Variants in BCORL1 observed in about 807,000 individuals in gnomAD.
BCORL1 encodes BCL6 corepressor like 1.
BCORL1 carries 7 observed loss-of-function variants against 87.6 expected under a neutral mutation model. That is an observed-to-expected ratio of 0.08 (90% CI 0.05 to 0.15). The LOEUF is 0.15. Ranked by LOEUF, BCORL1 falls within the 10% of genes least tolerant of loss-of-function variation. The pLI, the probability that BCORL1 is intolerant of heterozygous loss-of-function variation, is 1.00. For synonymous variants in BCORL1, 591 were observed against 634.4 expected, an observed-to-expected ratio of 0.93 and a Z score of 1.03; for missense variants, 1,215 against 1,499.7, an observed-to-expected ratio of 0.81 and a Z score of 3.13.
intron 1 of BCORL1, among the ~76,000 whole-genome samples, chrX:130,002,795 G>A (rs1197507448): frequency 9.3e-6 from 1 of 107,135 alleles, no homozygotes; most frequent in African/African-American, 3.4e-5. Flanking sequence ...AGAGAGAGAT[G>A]GGTAGGGGGA....
chrX:130,039,296 A>G lies in BCORL1; in HGVS notation c.4840+14A>G. Reference sequence around the variant, plus strand: ...GCTTTCTCAGTGGTAAGCATGGTCCAGACTTGACACTGTTGTCCTTGGGGC... The same window carrying G: ...GCTTTCTCAGTGGTAAGCATGGTCCGGACTTGACACTGTTGTCCTTGGGGC... On this transcript the variant is annotated intron_variant, in intron 11 of 13. Transcript: ENST00000540052. The G allele has an allele frequency of 8.3e-7, 1 of 1,206,195 alleles. No individual in the cohort carries two copies. The highest frequency in any genetic ancestry group is 1.1e-6 in the Non-Finnish European group (1 of 894,844).
chrX:130,023,100 A>G (rs914782501), intron 6 of BCORL1, 123 bp downstream of exon 6: 1 of 599,746 alleles, frequency 1.7e-6, no homozygotes. Context: ...ACTGTGCCAC[A>G]ATGCCCAGCT....
At chrX:130,009,895 G>GCCCCCTCCCCTGCAAGTTACTCCTGT (rs1928818491) in intron 2 of BCORL1, among the ~76,000 whole-genome samples, 1 of 111,281 alleles carries the variant, frequency 9.0e-6, no homozygotes, top group African/African-American at 3.3e-5. Flanking sequence ...CTCTTCCCGG[G>GCCCCCTCCCCTGCAAGTTACTCCTGT]CCCCCTCCCC....
At chrX:130,004,433 C>T (rs1283105064) in intron 1 of BCORL1, among the ~76,000 whole-genome samples, 1 of 110,129 alleles carries the variant, frequency 9.1e-6, no homozygotes, top group Non-Finnish European at 1.9e-5. Context: ...TTAGTAGAAA[C>T]GGGGTTTCAC....
chrX:129,986,420 G>T (rs777603909), intron 1 of BCORL1, among the ~76,000 whole-genome samples: 1 of 111,828 alleles, frequency 8.9e-6, no homozygotes, highest in Non-Finnish European at 1.9e-5. Flanking sequence ...CCAGGAAAGC[G>T]TAGATAAAGA....
upstream of BCORL1, among the ~76,000 whole-genome samples, chrX:129,980,454 G>A (rs1015512543): frequency 8.9e-6 from 1 of 112,251 alleles, no homozygotes. Context: ...GGGGCGGGGG[G>A]AGGATAAAGA....
intron 1 of BCORL1, among the ~76,000 whole-genome samples, chrX:129,989,889 G>A (rs1044929556): frequency 9.2e-6 from 1 of 109,188 alleles, no homozygotes; most frequent in African/African-American, 3.3e-5. Context: ...GGCTTCAAGC[G>A]ATTCTCGTGC....
At chrX:130,041,543 A>G (rs1250791424) in intron 11 of BCORL1, among the ~76,000 whole-genome samples, 2 of 112,196 alleles carry the variant, frequency 1.8e-5, no homozygotes, top group East Asian at 5.6e-4. Flanking sequence ...CATGTTGGCC[A>G]GGCTGGTCTC....
intron 6 of BCORL1, 61 bp from the exon 7 acceptor site, chrX:130,024,929 C>A (rs915764721): frequency 1.4e-5 from 16 of 1,168,008 alleles, no homozygotes; most frequent in Non-Finnish European, 1.8e-5. Context: ...GCATTCACTT[C>A]GACACCATGC....
At chrX:130,018,434 A>G (rs1198773166) in intron 4 of BCORL1, among the ~76,000 whole-genome samples, 3 of 112,406 alleles carry the variant, frequency 2.7e-5, no homozygotes, top group Non-Finnish European at 5.6e-5. Context: ...ACTAAAAACA[A>G]TTGAATTTTA....
At chrX:129,990,572 T>C (rs1927056045) in intron 1 of BCORL1, among the ~76,000 whole-genome samples, 1 of 111,746 alleles carries the variant, frequency 8.9e-6, no homozygotes, top group Non-Finnish European at 1.9e-5. Flanking sequence ...TTCAATTGTA[T>C]CCTATTATGT....
intron 10 of BCORL1, among the ~76,000 whole-genome samples, chrX:130,038,761 C>T (rs922853466): frequency 2.7e-5 from 3 of 111,759 alleles, no homozygotes; most frequent in Admixed American, 9.5e-5. Context: ...GGATTACAGG[C>T]GTGAGCCACC....
chrX:130,006,471 C>T (rs1928504726), intron 2 of BCORL1, among the ~76,000 whole-genome samples: 1 of 108,721 alleles, frequency 9.2e-6, no homozygotes, highest in Non-Finnish European at 1.9e-5. Flanking sequence ...CGCCATTCTC[C>T]TGCCTCAGCC....
chrX:130,006,831 A>T (rs1350197603), intron 2 of BCORL1, among the ~76,000 whole-genome samples: 1 of 111,407 alleles, frequency 9.0e-6, no homozygotes, highest in Non-Finnish European at 1.9e-5. Context: ...CGGCCTCCCA[A>T]AGTGCTGGGA....
At chrX:130,030,192 C>T (rs1930500412) in intron 8 of BCORL1, among the ~76,000 whole-genome samples, 2 of 111,956 alleles carry the variant, frequency 1.8e-5, no homozygotes, top group African/African-American at 6.5e-5. Context: ...CTTTGATAAC[C>T]ATAAAGTGCT....
chrX:130,046,391 T>C (rs1039646600), intron 11 of BCORL1, among the ~76,000 whole-genome samples: 1 of 111,120 alleles, frequency 9.0e-6, no homozygotes, highest in African/African-American at 3.3e-5. Context: ...TTTTTTTCTT[T>C]TTGAGACAGA....
chrX:130,038,734 G>A (rs761824498), intron 10 of BCORL1, among the ~76,000 whole-genome samples: 1 of 111,316 alleles, frequency 9.0e-6, no homozygotes, highest in African/African-American at 3.3e-5. Context: ...CACCTGCTTC[G>A]GCCTCCCAAA....
chrX:130,010,117 G>T (rs1028856332), intron 2 of BCORL1, among the ~76,000 whole-genome samples: 1 of 112,000 alleles, frequency 8.9e-6, no homozygotes, highest in Non-Finnish European at 1.9e-5. Context: ...TGCCTTCGAC[G>T]GCAGGGATTC....
chrX:130,042,211 C>T (rs775814630), intron 11 of BCORL1, among the ~76,000 whole-genome samples: 93 of 111,392 alleles, frequency 8.3e-4, no homozygotes, highest in Non-Finnish European at 1.5e-3. Flanking sequence ...GCCTCAGCCT[C>T]CCAAGTAGCT....
Sources: gnomAD v4.1 joint callset for allele counts (sites outside exome capture counted in the v4.1 genomes callset) on GRCh38, gnomAD v4.1.1 for gene constraint, MANE v1.5 for transcripts, NCBI Gene and HGNC (gene_info 2026-07-23, HGNC 2026-07-21) for gene names.